LHFPL6: variants seen among roughly 807,000 people sequenced by gnomAD.
LHFPL6 encodes LHFPL tetraspan subfamily member 6 protein.
A neutral mutation model predicts 20.6 loss-of-function variants in LHFPL6; 9 were observed. The observed-to-expected ratio is 0.44, with a 90% CI of 0.26 to 0.76. LHFPL6 has a LOEUF of 0.76. Ranked by LOEUF, LHFPL6 falls within the 30% of genes least tolerant of loss-of-function variation. LHFPL6 has a pLI of 0.20. For synonymous variants in LHFPL6, 105 were observed against 98.7 expected, an observed-to-expected ratio of 1.06 and a Z score of -0.38; for missense variants, 218 against 253.5, an observed-to-expected ratio of 0.86 and a Z score of 0.95.
chr13:39,413,682 T>A (rs1354489756), intron 2 of LHFPL6, among the ~76,000 whole-genome samples: 1 of 152,108 alleles, frequency 6.6e-6, no homozygotes, highest in African/African-American at 2.4e-5. Context: ...TGCACAAGTG[T>A]ATTAAACTCT....
intron 2 of LHFPL6, among the ~76,000 whole-genome samples, chr13:39,547,597 T>C (rs1368225816): frequency 6.6e-6 from 1 of 152,068 alleles, no homozygotes; most frequent in African/African-American, 2.4e-5. Context: ...CAGTGAGATA[T>C]TGCAGCAAAT....
chr13:39,433,292 C>G lies in LHFPL6; in HGVS notation c.386-54766G>C, dbSNP rs370813809. ...TCTAGCAAACAAGTCAACCAATCAA[C>G]TAAAAAATAAAACAAAAGAAATTCT... is the stretch of plus-strand genomic sequence containing the variant. On this transcript the variant is annotated intron_variant, in intron 2 of 3. Coordinates refer to ENST00000379589, the MANE Select transcript of LHFPL6 (RefSeq NM_005780.3). 1.2e-3 allele frequency among the ~76,000 whole-genome samples: 189 copies of G among 152,256 alleles called. 6 individuals are homozygous for G. In the South Asian group the frequency reaches 0.038, roughly 30 times the overall value.
In LHFPL6 at chr13:39,601,005, T is replaced by C; in HGVS notation, c.212A>G (p.Tyr71Cys). Residue 71 changes from tyrosine (Y) to cysteine (C), a missense_variant, in exon 2 of 4, where the codon TAT (tyrosine) becomes TGT (cysteine). Transcript: ENST00000379589. The part of the protein sequence containing the change: ...MMVMVEECGR[Y>C]ASFQGIPSAE... Reference sequence around the variant, plus strand: ...GCTGGGGATGCCCTGGAAGGAGGCATAGCGCCCACATTCCTCCACCATCAC... The same window carrying C: ...GCTGGGGATGCCCTGGAAGGAGGCACAGCGCCCACATTCCTCCACCATCAC... 6.2e-7 allele frequency: 1 copy of C among 1,614,096 alleles called. No homozygotes were observed. Among genetic ancestry groups the C allele is most frequent in the Non-Finnish European group, 8.5e-7 (1 of 1,179,980 alleles).
chr13:39,355,554 A>G (rs1319175855), intron 3 of LHFPL6, among the ~76,000 whole-genome samples: 2 of 152,224 alleles, frequency 1.3e-5, no homozygotes, highest in African/African-American at 2.4e-5. Flanking sequence ...TTGAATGTAA[A>G]TGGTACAAAT....
At chr13:39,541,072 T>C (rs1870781398) in intron 2 of LHFPL6, among the ~76,000 whole-genome samples, 1 of 152,202 alleles carries the variant, frequency 6.6e-6, no homozygotes, top group Admixed American at 6.5e-5. Flanking sequence ...TAAAGGTTTA[T>C]TTCTCCAGAA....
intron 2 of LHFPL6, among the ~76,000 whole-genome samples, chr13:39,432,000 T>C (rs1332840613): frequency 2.0e-5 from 3 of 152,054 alleles, no homozygotes; most frequent in Non-Finnish European, 2.9e-5. Flanking sequence ...AATGATTAAA[T>C]TAAGGGGGCT....
chr13:39,364,637 G>A (rs937193026), intron 3 of LHFPL6, among the ~76,000 whole-genome samples: 1 of 152,136 alleles, frequency 6.6e-6, no homozygotes, highest in African/African-American at 2.4e-5. Context: ...CCGGTGGATA[G>A]TTTTCTTTCT....
chr13:39,366,416 T>A (rs564051005), intron 3 of LHFPL6, among the ~76,000 whole-genome samples: 3 of 152,204 alleles, frequency 2.0e-5, no homozygotes, highest in African/African-American at 7.2e-5. Context: ...TTAGTCAAGA[T>A]ATGAATAACA....
chr13:39,585,920 A>G (rs987147445), intron 2 of LHFPL6, among the ~76,000 whole-genome samples: 2 of 152,206 alleles, frequency 1.3e-5, no homozygotes, highest in African/African-American at 4.8e-5. Context: ...AGGATGCTTA[A>G]CCTAATAAAA....
chr13:39,350,037 C>T (rs1438813721), intron 3 of LHFPL6, among the ~76,000 whole-genome samples: 8 of 152,116 alleles, frequency 5.3e-5, no homozygotes, highest in Non-Finnish European at 1.2e-4. Context: ...TTAACAGTCA[C>T]AAATAAATCT....
chr13:39,512,601 C>CAA (rs565183661), intron 2 of LHFPL6, among the ~76,000 whole-genome samples: 55 of 109,574 alleles, frequency 5.0e-4, no homozygotes, highest in South Asian at 3.7e-3. Flanking sequence ...GCCTCCGTCT[C>CAA]AAAAAAAAAA....
intron 2 of LHFPL6, among the ~76,000 whole-genome samples, chr13:39,394,429 G>A (rs529303869): frequency 6.6e-6 from 1 of 152,328 alleles, no homozygotes; most frequent in South Asian, 2.1e-4. Context: ...ACAGAGGTTT[G>A]TGGTTGAATC....
intron 2 of LHFPL6, among the ~76,000 whole-genome samples, chr13:39,522,454 G>C (rs2138486726): frequency 6.6e-6 from 1 of 152,272 alleles, no homozygotes; most frequent in African/African-American, 2.4e-5. Flanking sequence ...ATTGTGTACT[G>C]CACTCTCCAA....
chr13:39,482,803 G>T (rs1868570172), intron 2 of LHFPL6, among the ~76,000 whole-genome samples: 1 of 152,180 alleles, frequency 6.6e-6, no homozygotes, highest in Non-Finnish European at 1.5e-5. Flanking sequence ...AGAATAGTTG[G>T]AAGGGAAGGT....
intron 2 of LHFPL6, among the ~76,000 whole-genome samples, chr13:39,477,479 C>T (rs901393894): frequency 2.6e-5 from 4 of 152,210 alleles, no homozygotes; most frequent in African/African-American, 4.8e-5. Flanking sequence ...CAAACATATT[C>T]TTTGTCCCAG....
intron 2 of LHFPL6, among the ~76,000 whole-genome samples, chr13:39,395,168 C>T (rs1214640153): frequency 2.0e-4 from 30 of 152,114 alleles, no homozygotes. Context: ...CAGATAAATG[C>T]CTCCTTTTTT....
intron 2 of LHFPL6, among the ~76,000 whole-genome samples, chr13:39,527,851 T>C (rs1870344475): frequency 6.6e-6 from 1 of 152,256 alleles, no homozygotes; most frequent in Non-Finnish European, 1.5e-5. Flanking sequence ...AACCAAGTTG[T>C]CAGAAGTATA....
chr13:39,387,618 G>T (rs976342375), intron 2 of LHFPL6, among the ~76,000 whole-genome samples: 6 of 150,470 alleles, frequency 4.0e-5, no homozygotes, highest in Non-Finnish European at 7.4e-5. Context: ...ACCAAAGCTT[G>T]CACAAGCAGG....
At chr13:39,554,463 T>A (rs757430057) in intron 2 of LHFPL6, among the ~76,000 whole-genome samples, 1 of 152,240 alleles carries the variant, frequency 6.6e-6, no homozygotes, top group African/African-American at 2.4e-5. Flanking sequence ...ACCCCCAGTT[T>A]CCTACAGAAT....
Sources: gnomAD v4.1 joint callset for allele counts (sites outside exome capture counted in the v4.1 genomes callset) on GRCh38, gnomAD v4.1.1 for gene constraint, MANE v1.5 for transcripts, NCBI Gene and HGNC (gene_info 2026-07-23, HGNC 2026-07-21) for gene names.